The following RADX variants were observed in gnomAD, a reference collection of about 807,000 sequenced individuals.
RADX encodes the protein RPA1 related single stranded DNA binding protein, X-linked.
In RADX, 36 loss-of-function variants were observed where a neutral mutation model predicts 61.6. The observed-to-expected ratio is 0.58, with a 90% confidence interval of 0.45 to 0.77. RADX has a LOEUF of 0.77. RADX is among the 30% of genes least tolerant of loss of function. RADX has a pLI of 0.00. For missense variants in RADX, 497 were observed against 651.1 expected, an observed-to-expected ratio of 0.76 and a Z score of 2.58; for synonymous variants, 272 against 237.9, an observed-to-expected ratio of 1.14 and a Z score of -1.32.
rs757821858 is a variant in RADX, at chrX:106,612,719, T to A, written c.639T>A (p.Phe213Leu). 2.7e-5 allele frequency: 32 copies of A among 1,185,738 alleles called. No homozygotes were observed. The Middle Eastern group carries it at 7.1e-4, about 26-fold the overall frequency. Residue 213 changes from phenylalanine to leucine, a missense_variant, in exon 1 of 14, where the codon TTT (phenylalanine) becomes TTA (leucine). This residue lies in a region of RADX where 196 missense variants were observed against 315.0 expected (regional missense o/e 0.62). Coordinates refer to ENST00000372548, the MANE Select transcript of RADX (RefSeq NM_018015.6). ...LTDKQPEEHN[F>L]SDTKIISLSH... ...ACAAGCAACCTGAGGAACACAACTT[T>A]AGCGGTAAGTGTTTGGAAAGAACGG...
At chrX:106,615,836 T>G (rs896018388) in intron 1 of RADX, among the ~76,000 whole-genome samples, 8 of 111,883 alleles carry the variant, frequency 7.2e-5, no homozygotes, top group African/African-American at 2.6e-4. Context: ...TGAGCCACTT[T>G]TGAATTCCCA....
Position 106,662,015 on chromosome X carries a change from G to A in RADX, c.1979G>A (p.Arg660His). 8.3e-7 allele frequency: 1 copy of A among 1,207,654 alleles called. No homozygotes were observed. The highest frequency in any genetic ancestry group is 1.1e-6 in the Non-Finnish European group (1 of 893,124). The change falls in exon 12 of 14, where the codon CGT becomes CAT. Residue 660 changes from arginine to histidine, a missense_variant and splice_region_variant. This residue lies in a region of RADX where 267 missense variants were observed against 306.9 expected (regional missense o/e 0.87). Coordinates refer to ENST00000372548, the MANE Select transcript of RADX (RefSeq NM_018015.6). ...IKPGMPSIFN[R>H]RANINANLQG... is the part of the protein sequence containing the mutation. ...GTCTATCTCCTTGTGTCTTTAACAG[G>A]TCGAGCAAATATAAATGCTAATCTG...
At chrX:106,636,774 C>T in intron 7 of RADX, 127 bp downstream of exon 7, 1 of 343,697 alleles carries the variant, frequency 2.9e-6, no homozygotes, top group Non-Finnish European at 4.9e-6. Context: ...TCCTTTATTA[C>T]TATAAGAGTG....
chrX:106,639,631 A>G lies in RADX; in HGVS notation c.1678A>G (p.Lys560Glu), dbSNP rs143793727. ...AATTCAGGGGATAATTACTGCTATA[A>G]AGTATATCCCCCATAGCAGTGCGAC... ...IAIQGIITAI[K>E]YIPHSSATES... Residue 560 changes from lysine (K) to glutamate (E), a missense_variant, in exon 9 of 14, where the codon AAG becomes GAG. By Grantham distance (56) the Lys-to-Glu change is moderately conservative. Transcript: ENST00000372548. The G allele has an allele frequency of 2.5e-6, 3 of 1,200,461 alleles. No individual in the cohort carries two copies. In the African/African-American group the frequency reaches 5.3e-5, roughly 21 times the overall value.
chrX:106,646,233 A>G (rs1350782195), intron 10 of RADX, among the ~76,000 whole-genome samples: 1 of 110,797 alleles, frequency 9.0e-6, no homozygotes, highest in African/African-American at 3.3e-5. Context: ...GCAACAGATC[A>G]ATGGATTTTG....
chrX:106,668,997 G>A (rs1277765405), intron 12 of RADX, among the ~76,000 whole-genome samples, 166 bp from the exon 13 acceptor site: 1 of 111,968 alleles, frequency 8.9e-6, no homozygotes, highest in Non-Finnish European at 1.9e-5. Context: ...CAAATACCAT[G>A]TATTCATAAA....
At chrX:106,665,799 G>A (rs915185472) in intron 12 of RADX, among the ~76,000 whole-genome samples, 18 of 111,782 alleles carry the variant, frequency 1.6e-4, no homozygotes, top group African/African-American at 5.9e-4. Flanking sequence ...CTGTTACTTG[G>A]TCATTACCTC....
intron 13 of RADX, among the ~76,000 whole-genome samples, chrX:106,674,329 G>A (rs756488439): frequency 9.0e-6 from 1 of 111,461 alleles, no homozygotes; most frequent in Non-Finnish European, 1.9e-5. Context: ...TGGATTAAAC[G>A]GTTATTCTAT....
intron 1 of RADX, among the ~76,000 whole-genome samples, chrX:106,617,020 GTTT>G (rs60413185): frequency 1.8e-4 from 10 of 54,539 alleles, no homozygotes; most frequent in African/African-American, 7.9e-4. Flanking sequence ...GTGTGTGTGG[GTTT>G]TTTTTTTTTT....
At chrX:106,625,377 A>G in intron 3 of RADX, 95 bp downstream of exon 3, 2 of 541,771 alleles carry the variant, frequency 3.7e-6, no homozygotes, top group Non-Finnish European at 5.5e-6. Context: ...AAAATTACTG[A>G]AGCTGTTAGA....
intron 10 of RADX, among the ~76,000 whole-genome samples, chrX:106,641,008 T>G (rs769710738): frequency 7.2e-5 from 8 of 110,952 alleles, no homozygotes; most frequent in African/African-American, 2.6e-4. Context: ...TTGGCATTCC[T>G]TAACTTGTAG....
At chrX:106,643,938 C>A (rs1206187007) in intron 10 of RADX, among the ~76,000 whole-genome samples, 1 of 111,257 alleles carries the variant, frequency 9.0e-6, no homozygotes, top group African/African-American at 3.3e-5. Context: ...TTTTGAATGT[C>A]CTCTTCAATT....
intron 11 of RADX, among the ~76,000 whole-genome samples, chrX:106,650,201 T>C (rs1220471238): frequency 9.0e-6 from 1 of 111,238 alleles, no homozygotes; most frequent in African/African-American, 3.3e-5. Flanking sequence ...AAAAGTCATC[T>C]GAGAGAAAGT....
At chrX:106,673,567 A>AG (rs1444931871) in intron 13 of RADX, among the ~76,000 whole-genome samples, 1 of 108,183 alleles carries the variant, frequency 9.2e-6, no homozygotes, top group African/African-American at 3.4e-5. Flanking sequence ...AGCAGAAGGA[A>AG]GGGGCCTCTT....
chrX:106,649,628 A>T (rs1431243599), intron 11 of RADX, among the ~76,000 whole-genome samples: 1 of 111,834 alleles, frequency 8.9e-6, no homozygotes, highest in Non-Finnish European at 1.9e-5. Flanking sequence ...TCTCACAGGA[A>T]GTGGTTATTT....
At chrX:106,655,804 G>A (rs1569427675) in intron 11 of RADX, among the ~76,000 whole-genome samples, 3 of 111,865 alleles carry the variant, frequency 2.7e-5, no homozygotes, top group Non-Finnish European at 3.8e-5. Context: ...GTAAACATAC[G>A]TGTGCATGTG....
intron 6 of RADX, among the ~76,000 whole-genome samples, chrX:106,634,098 T>C (rs1480286541): frequency 9.0e-6 from 1 of 111,573 alleles, no homozygotes; most frequent in African/African-American, 3.3e-5. Context: ...TTACTACATA[T>C]ATGTGTGTGT....
At chrX:106,654,655 A>G (rs1223654971) in intron 11 of RADX, among the ~76,000 whole-genome samples, 2 of 111,949 alleles carry the variant, frequency 1.8e-5, no homozygotes, top group African/African-American at 3.2e-5. Flanking sequence ...AAAACCCTAG[A>G]AAAAAACCTA....
chrX:106,663,004 C>CA (rs1255956864), intron 12 of RADX, among the ~76,000 whole-genome samples: 2 of 110,393 alleles, frequency 1.8e-5, no homozygotes, highest in Non-Finnish European at 3.8e-5. Flanking sequence ...AAATGACTCT[C>CA]AGAGTCAAGC....
Sources: allele counts gnomAD v4.1 joint callset (sites outside exome capture counted in the v4.1 genomes callset), GRCh38; gene constraint gnomAD v4.1.1; regional missense constraint gnomAD v4.1.1; transcripts MANE v1.5; gene names NCBI Gene and HGNC (gene_info 2026-07-23, HGNC 2026-07-21).